CDH13: variants seen among roughly 807,000 people sequenced by gnomAD.
CDH13 encodes cadherin 13.
CDH13 carries 24 observed loss-of-function variants against 63.8 expected under a neutral mutation model. That is an observed-to-expected ratio of 0.38 (90% confidence interval 0.27 to 0.53). CDH13 has a LOEUF of 0.53. Among genes scored for constraint, CDH13 ranks in the 20% least tolerant of loss-of-function variants. CDH13 has a pLI of 0.85. For synonymous variants in CDH13, 503 were observed against 355.3 expected, an observed-to-expected ratio of 1.42 and a Z score of -4.67; for missense variants, 1,049 against 903.1, an observed-to-expected ratio of 1.16 and a Z score of -2.07.
chr16:83,152,639 T>G (rs1302210531), intron 4 of CDH13, among the ~76,000 whole-genome samples: 2 of 152,192 alleles, frequency 1.3e-5, no homozygotes, highest in African/African-American at 4.8e-5. Context: ...AGAGGAAACC[T>G]TAGCAATAAT....
intron 11 of CDH13, among the ~76,000 whole-genome samples, chr16:83,754,676 C>G (rs1295950796): frequency 1.3e-5 from 2 of 152,118 alleles, no homozygotes; most frequent in East Asian, 3.9e-4. Context: ...TTGCGTCTTC[C>G]TCATTCTCTC....
intron 2 of CDH13, among the ~76,000 whole-genome samples, chr16:82,864,717 C>T (rs372447931): frequency 1.4e-4 from 21 of 152,092 alleles, no homozygotes; most frequent in African/African-American, 2.4e-4. Context: ...CATGTTATTC[C>T]GCCCCTGGTT....
At chr16:83,582,739 G>A (rs559534739) in intron 7 of CDH13, among the ~76,000 whole-genome samples, 13 of 152,166 alleles carry the variant, frequency 8.5e-5, no homozygotes, top group Non-Finnish European at 1.3e-4. Flanking sequence ...GGAGCTCAGC[G>A]TTGACAGAGC....
chr16:83,225,195 C>T (rs544177475), intron 5 of CDH13, among the ~76,000 whole-genome samples: 62 of 152,290 alleles, frequency 4.1e-4, no homozygotes, highest in Middle Eastern at 3.4e-3. Context: ...AATAATCACA[C>T]TCTTGGGTAT....
At chr16:83,324,508 C>T (rs2090315383) in intron 5 of CDH13, among the ~76,000 whole-genome samples, 1 of 152,166 alleles carries the variant, frequency 6.6e-6, no homozygotes, top group Admixed American at 6.5e-5. Flanking sequence ...CAACACTTGC[C>T]CTTCCATGAG....
chr16:83,179,846 A>G (rs1234292025), intron 4 of CDH13, among the ~76,000 whole-genome samples: 2 of 152,156 alleles, frequency 1.3e-5, no homozygotes, highest in African/African-American at 2.4e-5. Flanking sequence ...CCTTAGCATC[A>G]AACTAAAGTT....
At chr16:83,518,218 C>A (rs532969935) in intron 7 of CDH13, among the ~76,000 whole-genome samples, 5 of 152,028 alleles carry the variant, frequency 3.3e-5, no homozygotes, top group African/African-American at 1.2e-4. Flanking sequence ...GATCTTGGCT[C>A]ACTGCAGCTC....
chr16:83,372,733 A>C (rs1368877220), intron 6 of CDH13, among the ~76,000 whole-genome samples: 3 of 144,600 alleles, frequency 2.1e-5, no homozygotes, highest in South Asian at 4.6e-4. Context: ...GCCTGGTGAC[A>C]GAGCGAGACT....
At chr16:83,168,143 C>G (rs1597454527) in intron 4 of CDH13, among the ~76,000 whole-genome samples, 1 of 151,854 alleles carries the variant, frequency 6.6e-6, no homozygotes, top group East Asian at 1.9e-4. Context: ...CTCAGCGCCA[C>G]ACAATATACC....
chr16:82,790,360 G>A (rs778836326), intron 1 of CDH13, among the ~76,000 whole-genome samples: 28 of 152,036 alleles, frequency 1.8e-4, no homozygotes, highest in African/African-American at 3.1e-4. Flanking sequence ...GCGTGAACCC[G>A]GGAGGCAGAG....
intron 6 of CDH13, among the ~76,000 whole-genome samples, chr16:83,400,445 G>C (rs201682640): frequency 1.2e-3 from 179 of 152,178 alleles, no homozygotes; most frequent in Non-Finnish European, 2.2e-3. Context: ...GCGGAGCTCT[G>C]TGAGTGGTGC....
intron 6 of CDH13, among the ~76,000 whole-genome samples, chr16:83,429,947 AT>A (rs948863768): frequency 2.6e-5 from 4 of 151,822 alleles, no homozygotes; most frequent in Non-Finnish European, 5.9e-5. Flanking sequence ...TTAATTCCTC[AT>A]TTCCCCTCCC....
intron 6 of CDH13, among the ~76,000 whole-genome samples, chr16:83,370,036 G>A (rs150616166): frequency 7.2e-5 from 11 of 152,212 alleles, no homozygotes; most frequent in African/African-American, 2.4e-4. Context: ...CTCTCTGCCC[G>A]TATTTACCTG....
chr16:83,383,566 C>G (rs1448167946), intron 6 of CDH13, among the ~76,000 whole-genome samples: 5 of 152,130 alleles, frequency 3.3e-5, no homozygotes, highest in African/African-American at 4.8e-5. Flanking sequence ...TCCTCTTCTC[C>G]CATTAGTATA....
At chr16:82,895,643 T>C (rs528314035) in intron 2 of CDH13, among the ~76,000 whole-genome samples, 1 of 151,944 alleles carries the variant, frequency 6.6e-6, no homozygotes, top group Non-Finnish European at 1.5e-5. Flanking sequence ...TGTGAGGTAG[T>C]AGATGATGAA....
At chr16:83,567,228 C>G (rs923857098) in intron 7 of CDH13, among the ~76,000 whole-genome samples, 4 of 152,208 alleles carry the variant, frequency 2.6e-5, no homozygotes, top group African/African-American at 9.7e-5. Context: ...TTCTCTAAAA[C>G]CATTGACTTC....
chr16:82,804,673 T>C (rs2037056597), intron 1 of CDH13, among the ~76,000 whole-genome samples: 3 of 152,126 alleles, frequency 2.0e-5, no homozygotes, highest in Admixed American at 6.6e-5. Context: ...CAGTCAATAA[T>C]TGGTAGGAAT....
chr16:83,569,341 T>C (rs1022478332), intron 7 of CDH13, among the ~76,000 whole-genome samples: 4 of 152,180 alleles, frequency 2.6e-5, no homozygotes, highest in South Asian at 4.1e-4. Context: ...TACCAGTTGA[T>C]TGACAGATTG....
chr16:83,045,733 G>A (rs2151494907), intron 3 of CDH13, among the ~76,000 whole-genome samples: 1 of 151,520 alleles, frequency 6.6e-6, no homozygotes, highest in South Asian at 2.1e-4. Flanking sequence ...AAAGACCATG[G>A]ATTTTCTCTA....
Sources: allele counts gnomAD v4.1 joint callset (sites outside exome capture counted in the v4.1 genomes callset), GRCh38; gene constraint gnomAD v4.1.1; transcripts MANE v1.5; gene names NCBI Gene and HGNC (gene_info 2026-07-23, HGNC 2026-07-21).